FBN1: variants seen among roughly 807,000 people sequenced by gnomAD.
FBN1 encodes fibrillin 1.
In FBN1, 29 loss-of-function variants were observed where a neutral mutation model predicts 365.1. The observed-to-expected ratio is 0.08, with a 90% CI of 0.06 to 0.11. The LOEUF is 0.11. Ranked by LOEUF, FBN1 falls within the 10% of genes least tolerant of loss-of-function variation. FBN1 has a pLI of 1.00. For synonymous variants in FBN1, 1,210 were observed against 1,270.5 expected, an observed-to-expected ratio of 0.95 and a Z score of 1.01; for missense variants, 2,476 against 3,703.2, an observed-to-expected ratio of 0.67 and a Z score of 8.60.
At chr15:48,632,601 C>A (rs1268384154) in intron 2 of FBN1, among the ~76,000 whole-genome samples, 4 of 152,168 alleles carry the variant, frequency 2.6e-5, no homozygotes, top group African/African-American at 9.7e-5. Flanking sequence ...ACTTCCAAAC[C>A]TCCCTGAAAG....
At chr15:48,517,383 AAGC>A (rs1210785062) in intron 10 of FBN1, among the ~76,000 whole-genome samples, 2 of 152,192 alleles carry the variant, frequency 1.3e-5, no homozygotes, top group Non-Finnish European at 2.9e-5. Context: ...TCGTAAAAGA[AAGC>A]AATATCAATG....
intron 37 of FBN1, 115 bp downstream of exon 37, chr15:48,468,297 A>C: frequency 1.4e-6 from 2 of 1,425,834 alleles, no homozygotes; most frequent in Non-Finnish European, 2.0e-6. Context: ...AGAGTTAGGA[A>C]ATGTTTAAAT....
chr15:48,468,993 G>T (rs2141273564), intron 36 of FBN1, among the ~76,000 whole-genome samples: 1 of 148,184 alleles, frequency 6.7e-6, no homozygotes, highest in African/African-American at 2.5e-5. Flanking sequence ...GCATGAACCT[G>T]GGAGGCGGAG....
At chr15:48,535,711 AT>A (rs1166943566) in intron 7 of FBN1, among the ~76,000 whole-genome samples, 1 of 152,202 alleles carries the variant, frequency 6.6e-6, no homozygotes, top group African/African-American at 2.4e-5. Flanking sequence ...AGAAACAACA[AT>A]TTAGTTTATT....
At chr15:48,441,617 A>G (rs1298318826) in intron 50 of FBN1, 104 bp downstream of exon 50, 5 of 1,419,212 alleles carry the variant, frequency 3.5e-6, no homozygotes, top group Non-Finnish European at 4.0e-6. Context: ...AAAACTCTCC[A>G]TCTTCCTGTT....
At chr15:48,566,896 G>A (rs1317310772) in intron 6 of FBN1, among the ~76,000 whole-genome samples, 1 of 152,138 alleles carries the variant, frequency 6.6e-6, no homozygotes, top group Non-Finnish European at 1.5e-5. Flanking sequence ...TCACATTTAC[G>A]TTGCTGTCTG....
intron 23 of FBN1, among the ~76,000 whole-genome samples, 191 bp downstream of exon 23, chr15:48,494,013 G>A (rs572702642): frequency 1.9e-4 from 29 of 152,268 alleles, no homozygotes; most frequent in African/African-American, 5.3e-4. Flanking sequence ...TGGACATAGC[G>A]TTCTGACACT....
intron 6 of FBN1, among the ~76,000 whole-genome samples, chr15:48,587,986 A>G (rs936787842): frequency 6.6e-6 from 1 of 152,150 alleles, no homozygotes; most frequent in African/African-American, 2.4e-5. Flanking sequence ...ATTTTCTAAG[A>G]TGCTGCTTTC....
Position 48,575,319 on chromosome 15 carries a change from A to ATATG in FBN1, c.538+20960_538+20963dup, listed in dbSNP as rs56083230. Among the ~76,000 whole-genome samples the ATATG allele has an allele frequency of 6.0e-3, 896 of 149,974 alleles. 5 individuals carry two copies. Among genetic ancestry groups the ATATG allele is most frequent in the African/African-American group, 0.015 (635 of 41,014 alleles). ...TCCGCTCAATTCTTTATGTATTTAC[A>ATATG]TATGTATGTATGTATGTATGTATGT... On this transcript the variant is annotated intron_variant, in intron 6 of 65. Transcript: ENST00000316623.
At chr15:48,440,096 T>C (rs1163689528) in intron 50 of FBN1, among the ~76,000 whole-genome samples, 1 of 152,234 alleles carries the variant, frequency 6.6e-6, no homozygotes, top group Non-Finnish European at 1.5e-5. Context: ...AATTGGCTTA[T>C]TAATCAAGGG....
intron 6 of FBN1, among the ~76,000 whole-genome samples, chr15:48,539,771 G>C (rs1417533218): frequency 6.6e-6 from 1 of 151,494 alleles, no homozygotes; most frequent in Non-Finnish European, 1.5e-5. Flanking sequence ...CCTGTCTCCT[G>C]ACACTTTCTC....
chr15:48,552,025 G>A (rs920062822), intron 6 of FBN1, among the ~76,000 whole-genome samples: 2 of 152,166 alleles, frequency 1.3e-5, no homozygotes, highest in African/African-American at 4.8e-5. Flanking sequence ...ATACCCGGTA[G>A]TGGTATTGCT....
At chr15:48,430,478 G>A (rs1367716265) in intron 56 of FBN1, among the ~76,000 whole-genome samples, 193 bp downstream of exon 56, 1 of 152,202 alleles carries the variant, frequency 6.6e-6, no homozygotes, top group East Asian at 1.9e-4. Flanking sequence ...AGATCAGAGG[G>A]ACAATGACAG....
At chr15:48,515,601 T>C (rs2043794529) in intron 11 of FBN1, 74 bp from the exon 12 acceptor site, 4 of 1,571,260 alleles carry the variant, frequency 2.5e-6, no homozygotes, top group Non-Finnish European at 3.5e-6. Context: ...CTGACAATAA[T>C]GAACAAGATG....
At chr15:48,466,750 C>T (rs930963221) in intron 38 of FBN1, among the ~76,000 whole-genome samples, 1 of 152,022 alleles carries the variant, frequency 6.6e-6, no homozygotes, top group Non-Finnish European at 1.5e-5. Flanking sequence ...AAGCTGACTC[C>T]CCAAATTAAG....
intron 44 of FBN1, 131 bp downstream of exon 44, chr15:48,456,506 C>A: frequency 3.2e-6 from 3 of 944,766 alleles, no homozygotes; most frequent in Non-Finnish European, 5.1e-6. Flanking sequence ...TTGTTCCACA[C>A]CATGCCCTTT....
intron 10 of FBN1, among the ~76,000 whole-genome samples, chr15:48,516,774 A>T (rs1434924276): frequency 6.6e-6 from 1 of 152,228 alleles, no homozygotes; most frequent in African/African-American, 2.4e-5. Flanking sequence ...GTGGGACATG[A>T]TCAGATGACC....
At chr15:48,576,284 A>G (rs958837227) in intron 6 of FBN1, among the ~76,000 whole-genome samples, 1 of 151,992 alleles carries the variant, frequency 6.6e-6, no homozygotes, top group Admixed American at 6.6e-5. Flanking sequence ...TTTTTCATCA[A>G]CTCTTACATA....
intron 32 of FBN1, among the ~76,000 whole-genome samples, chr15:48,474,853 C>A (rs1218157130): frequency 6.6e-6 from 1 of 152,144 alleles, no homozygotes; most frequent in African/African-American, 2.4e-5. Flanking sequence ...ATTGTACTAG[C>A]TATTGTTAAC....
Sources: allele counts gnomAD v4.1 joint callset (sites outside exome capture counted in the v4.1 genomes callset), GRCh38; gene constraint gnomAD v4.1.1; transcripts MANE v1.5; gene names NCBI Gene and HGNC (gene_info 2026-07-23, HGNC 2026-07-21).